FER: variants seen among roughly 807,000 people sequenced by gnomAD.
FER encodes the protein tyrosine-protein kinase Fer.
Under a neutral mutation model 111.0 loss-of-function variants are expected in FER, and 63 were observed. The observed-to-expected ratio is 0.57, with a 90% CI of 0.46 to 0.70. The LOEUF (loss-of-function observed/expected upper bound fraction) is 0.70, where lower values mean the gene tolerates loss of function less well. Ranked by LOEUF, FER falls within the 30% of genes least tolerant of loss-of-function variation. The pLI, the probability that FER is intolerant of heterozygous loss-of-function variation, is 0.00. For missense variants in FER, 914 were observed against 954.0 expected, an observed-to-expected ratio of 0.96 and a Z score of 0.55; for synonymous variants, 327 against 313.9, an observed-to-expected ratio of 1.04 and a Z score of -0.44.
At chr5:109,051,656 T>G (rs1255657348) in intron 16 of FER, 2 of 1,576,402 alleles carry the variant, frequency 1.3e-6, no homozygotes, top group East Asian at 4.5e-5. Flanking sequence ...GAGCAGCCAT[T>G]GAAATAAGCA....
At chr5:109,102,875 G>A (rs1186727137) in intron 17 of FER, among the ~76,000 whole-genome samples, 1 of 151,924 alleles carries the variant, frequency 6.6e-6, no homozygotes, top group African/African-American at 2.4e-5. Context: ...TTATAGTAGT[G>A]AATTGTGCTG....
chr5:108,841,596 A>C (rs947618954), intron 5 of FER, among the ~76,000 whole-genome samples: 1 of 152,144 alleles, frequency 6.6e-6, no homozygotes, highest in South Asian at 2.1e-4. Context: ...ACTATCATCA[A>C]TGCTGTTGTT....
intron 14 of FER, among the ~76,000 whole-genome samples, chr5:109,038,495 A>G (rs999291589): frequency 6.6e-6 from 1 of 151,956 alleles, no homozygotes; most frequent in Admixed American, 6.6e-5. Flanking sequence ...GAAATAACAT[A>G]GTTTGCAGGA....
intron 17 of FER, among the ~76,000 whole-genome samples, chr5:109,149,469 A>G (rs1754584291): frequency 6.6e-6 from 1 of 152,216 alleles, no homozygotes; most frequent in African/African-American, 2.4e-5. Context: ...AGGAGCTCTC[A>G]ATTTCTTTAT....
At chr5:109,127,056 C>CT (rs202118666) in intron 17 of FER, among the ~76,000 whole-genome samples, 68 of 152,266 alleles carry the variant, frequency 4.5e-4, no homozygotes, top group African/African-American at 1.5e-3. Flanking sequence ...ACAAAGAAAT[C>CT]TAACTGCTAC....
At chr5:109,178,288 T>C (rs1757923566) in intron 17 of FER, among the ~76,000 whole-genome samples, 1 of 152,226 alleles carries the variant, frequency 6.6e-6, no homozygotes, top group Admixed American at 6.5e-5. Context: ...TTTCTGTAAA[T>C]GTTATTGAAA....
At chr5:108,961,202 T>C (rs1759104827) in intron 13 of FER, among the ~76,000 whole-genome samples, 1 of 152,160 alleles carries the variant, frequency 6.6e-6, no homozygotes, top group African/African-American at 2.4e-5. Context: ...CCAGATTAGG[T>C]TAACAAAATA....
intron 2 of FER, among the ~76,000 whole-genome samples, chr5:108,774,753 T>C (rs1460185818): frequency 6.6e-6 from 1 of 152,130 alleles, no homozygotes; most frequent in Non-Finnish European, 1.5e-5. Flanking sequence ...TTTTTTTTCT[T>C]GTAAATTTGT....
chr5:109,045,799 T>C (rs1771886818), intron 15 of FER, among the ~76,000 whole-genome samples: 1 of 152,192 alleles, frequency 6.6e-6, no homozygotes, highest in African/African-American at 2.4e-5. Flanking sequence ...CTTCATGCAA[T>C]CTCATGGTTC....
intron 17 of FER, among the ~76,000 whole-genome samples, chr5:109,103,453 A>C (rs1045801461): frequency 6.6e-6 from 1 of 152,178 alleles, no homozygotes; most frequent in Non-Finnish European, 1.5e-5. Context: ...TATGACAACT[A>C]TAAAATGGAA....
At chr5:108,893,432 A>G (rs1357478414) in intron 9 of FER, among the ~76,000 whole-genome samples, 1 of 151,562 alleles carries the variant, frequency 6.6e-6, no homozygotes. Context: ...TTCTACAAGT[A>G]TAATAGTTTG....
intron 5 of FER, among the ~76,000 whole-genome samples, chr5:108,845,033 T>C (rs1427170759): frequency 7.9e-4 from 43 of 54,462 alleles, no homozygotes; most frequent in Admixed American, 2.6e-3. Context: ...TATATATATA[T>C]ATATATACAT....
chr5:109,170,388 T>G (rs551081660), intron 17 of FER, among the ~76,000 whole-genome samples: 1 of 152,220 alleles, frequency 6.6e-6, no homozygotes, highest in South Asian at 2.1e-4. Flanking sequence ...ATAAAATGAA[T>G]AGTATTTCAA....
intron 2 of FER, among the ~76,000 whole-genome samples, chr5:108,774,016 G>A (rs1049444817): frequency 4.6e-5 from 7 of 152,004 alleles, no homozygotes; most frequent in South Asian, 2.1e-4. Context: ...GTGGTTTGCC[G>A]CACCTATTGA....
At chr5:108,911,522 G>A (rs1256046306) in intron 10 of FER, among the ~76,000 whole-genome samples, 2 of 152,072 alleles carry the variant, frequency 1.3e-5, no homozygotes, top group Non-Finnish European at 2.9e-5. Context: ...TGGGGTTGTT[G>A]TCATAAATTC....
At chr5:108,960,664 T>C (rs1218841736) in intron 13 of FER, among the ~76,000 whole-genome samples, 1 of 152,168 alleles carries the variant, frequency 6.6e-6, no homozygotes, top group Non-Finnish European at 1.5e-5. Flanking sequence ...TGGCTTTATT[T>C]ACTATTTATA....
intron 14 of FER, among the ~76,000 whole-genome samples, chr5:109,039,336 C>A (rs1373647616): frequency 2.0e-5 from 3 of 151,788 alleles, no homozygotes; most frequent in African/African-American, 4.8e-5. Flanking sequence ...TTTTTGAATG[C>A]CTACTATGTG....
At chr5:108,940,081 A>C (rs552867284) in intron 10 of FER, among the ~76,000 whole-genome samples, 15 of 152,214 alleles carry the variant, frequency 9.9e-5, no homozygotes, top group East Asian at 3.9e-4. Context: ...AAAACAAAAC[A>C]AAACCAAACC....
chr5:108,924,360 C>CAAAAAAAA (rs59469649), intron 10 of FER, among the ~76,000 whole-genome samples: 2 of 99,062 alleles, frequency 2.0e-5, no homozygotes, highest in African/African-American at 7.4e-5. Context: ...AACTCTGTCT[C>CAAAAAAAA]AAAAAAAAAA....
Sources: allele counts gnomAD v4.1 joint callset (sites outside exome capture counted in the v4.1 genomes callset), GRCh38; gene constraint gnomAD v4.1.1; transcripts MANE v1.5; gene names NCBI Gene and HGNC (gene_info 2026-07-23, HGNC 2026-07-21).